The following ESD variants were observed in gnomAD, a reference collection of about 807,000 sequenced individuals.
ESD encodes S-formylglutathione hydrolase.
ESD carries 34 observed loss-of-function variants against 38.1 expected under a neutral mutation model. The ratio of observed to expected loss-of-function variants is 0.89; its 90% confidence interval spans 0.68 to 1.19. The LOEUF is 1.19. ESD is among the 50% of genes most tolerant of loss of function. The pLI, the probability that ESD is intolerant of heterozygous loss-of-function variation, is 0.00. For synonymous variants in ESD, 97 were observed against 107.0 expected (o/e 0.91, Z 0.58); for missense variants, 334 against 327.2 (o/e 1.02, Z -0.16).
intron 9 of ESD, among the ~76,000 whole-genome samples, chr13:46,775,187 T>C (rs1017352921): frequency 6.6e-6 from 1 of 152,050 alleles, no homozygotes; most frequent in Admixed American, 6.6e-5. Flanking sequence ...GTATTTTTTT[T>C]TCAATTTAGA....
intron 3 of ESD, among the ~76,000 whole-genome samples, chr13:46,790,225 T>A (rs1219647848): frequency 1.3e-5 from 2 of 152,122 alleles, no homozygotes; most frequent in Non-Finnish European, 2.9e-5. Context: ...GAAGTTCATA[T>A]CAAATTAAAG....
chr13:46,792,775 C>T (rs1195530225), intron 2 of ESD, among the ~76,000 whole-genome samples: 1 of 152,002 alleles, frequency 6.6e-6, no homozygotes, highest in Non-Finnish European at 1.5e-5. Flanking sequence ...ACTTTAGCTA[C>T]TGTTAACAAT....
chr13:46,792,914 G>C (rs1875447201), intron 2 of ESD, among the ~76,000 whole-genome samples: 1 of 151,878 alleles, frequency 6.6e-6, no homozygotes, highest in Non-Finnish European at 1.5e-5. Flanking sequence ...CTTAAACTTA[G>C]AAAGGACTAT....
chr13:46,781,393 T>C, intron 7 of ESD, 103 bp downstream of exon 7: 1 of 1,097,786 alleles, frequency 9.1e-7, no homozygotes, highest in Non-Finnish European at 1.3e-6. Context: ...ACTAGAAAAG[T>C]TTAGTTCCAA....
Position 46,771,366 on chromosome 13 carries a change from C to T in ESD, c.*50G>A, listed in dbSNP as rs1276857917. 1 of 1,210,910 alleles carries T rather than the reference C, an allele frequency of 8.3e-7. No homozygotes were observed. Among genetic ancestry groups the T allele is most frequent in the Admixed American group, 2.1e-5 (1 of 47,460 alleles). 75.0% of individuals were successfully genotyped at this position (1,210,910 alleles called of 1,614,324 possible). A position where few individuals can be genotyped will look rare whatever the true frequency, so the allele number is the denominator to read the frequency against. ...TTTTTTTTGCTCAGCAATACAGTTGCATTTTACAACTTTTATAATCCTGAA... is the reference window on the plus strand; with the variant it reads ...TTTTTTTTGCTCAGCAATACAGTTGTATTTTACAACTTTTATAATCCTGAA... On this transcript the variant is annotated 3_prime_UTR_variant, in exon 10 of 10. Coordinates refer to ENST00000378720, the MANE Select transcript of ESD (RefSeq NM_001984.2).
chr13:46,784,138 T>TA, intron 5 of ESD, 114 bp downstream of exon 5: 2 of 788,318 alleles, frequency 2.5e-6, no homozygotes, highest in Non-Finnish European at 3.9e-6. Flanking sequence ...GAAAGGTTAA[T>TA]AGAGATAACA....
chr13:46,793,106 G>T (rs1034692460), intron 2 of ESD, among the ~76,000 whole-genome samples: 1 of 151,936 alleles, frequency 6.6e-6, no homozygotes, highest in African/African-American at 2.4e-5. Context: ...AAAGTTGGTA[G>T]AATATTTTTT....
Position 46,780,005 on chromosome 13 carries a change from T to C in ESD, c.530A>G (p.Asn177Ser). 6.2e-7 allele frequency: 1 copy of C among 1,601,506 alleles called. No individual in the cohort carries two copies. Among genetic ancestry groups the C allele is most frequent in the Non-Finnish European group, 8.5e-7 (1 of 1,172,586 alleles). ...TTTGCCCCAGGGACAGAGTACAGGGTTGCAAATTGGAGCAAATGCTGACAC... is the reference window on the plus strand; with the variant it reads ...TTTGCCCCAGGGACAGAGTACAGGGCTGCAAATTGGAGCAAATGCTGACAC... ...KSVSAFAPICNPVLCPWGKKA... is the reference protein window; with the variant it reads ...KSVSAFAPICSPVLCPWGKKA... The change falls in exon 8 of 10, where the codon AAC becomes AGC. Residue 177 changes from asparagine to serine, a missense_variant. Asn to Ser is a conservative substitution (Grantham distance 46). Transcript: ENST00000378720.
chr13:46,795,201 A>G (rs1875532284), intron 1 of ESD, among the ~76,000 whole-genome samples: 1 of 152,224 alleles, frequency 6.6e-6, no homozygotes, highest in African/African-American at 2.4e-5. Flanking sequence ...ATAAGAAATT[A>G]AAACTTAGCC....
chr13:46,771,586 T>C (rs1393052485), intron 9 of ESD, 90 bp from the exon 10 acceptor site: 2 of 795,424 alleles, frequency 2.5e-6, no homozygotes, highest in East Asian at 5.2e-5. Context: ...GTCGTTTAAT[T>C]TGCTTACAAA....
chr13:46,772,347 G>A (rs573541122), intron 9 of ESD, among the ~76,000 whole-genome samples: 1 of 152,212 alleles, frequency 6.6e-6, no homozygotes, highest in Admixed American at 6.5e-5. Flanking sequence ...ATCCCTTTCT[G>A]CTGACTCTGA....
At chr13:46,786,439 A>G (rs1287352438) in intron 4 of ESD, among the ~76,000 whole-genome samples, 2 of 152,012 alleles carry the variant, frequency 1.3e-5, no homozygotes, top group Non-Finnish European at 2.9e-5. Flanking sequence ...TTGTGAAAGA[A>G]AAGTTAGCAT....
At chr13:46,772,885 C>T (rs945794949) in intron 9 of ESD, among the ~76,000 whole-genome samples, 1 of 152,078 alleles carries the variant, frequency 6.6e-6, no homozygotes, top group African/African-American at 2.4e-5. Flanking sequence ...GGGGTTTCGC[C>T]ATGTTAGCCA....
At chr13:46,781,323 C>T (rs1252652099) in intron 7 of ESD, among the ~76,000 whole-genome samples, 173 bp downstream of exon 7, 1 of 151,744 alleles carries the variant, frequency 6.6e-6, no homozygotes, top group Non-Finnish European at 1.5e-5. Context: ...TCTGATTCTG[C>T]AGCATACACT....
Position 46,793,457 on chromosome 13 carries a change from C to T in ESD, c.-55-13G>A, listed in dbSNP as rs904985861. ...ATGGTAGGCGATTCTGAAAAAAACACCAATGGTTTACAAATGGGATATACT... is the reference window on the plus strand; with the variant it reads ...ATGGTAGGCGATTCTGAAAAAAACATCAATGGTTTACAAATGGGATATACT... On this transcript the variant is annotated splice_polypyrimidine_tract_variant and intron_variant, in intron 1 of 9. Coordinates refer to ENST00000378720, the MANE Select transcript of ESD (RefSeq NM_001984.2). 2 of 152,518 alleles carry T rather than the reference C, an allele frequency of 1.3e-5. No individual in the cohort carries two copies. The highest frequency in any genetic ancestry group is 2.9e-5 in the Non-Finnish European group (2 of 68,000). The allele number at this position is 152,518 out of a possible 1,614,324, so 9.4% of individuals were successfully genotyped here.
At chr13:46,792,655 C>T (rs1368875603) in intron 2 of ESD, among the ~76,000 whole-genome samples, 3 of 151,842 alleles carry the variant, frequency 2.0e-5, no homozygotes, top group Non-Finnish European at 2.9e-5. Flanking sequence ...TATGATATTA[C>T]AACTGTACAC....
At chr13:46,785,062 T>G (rs1298649738) in intron 4 of ESD, among the ~76,000 whole-genome samples, 4 of 152,032 alleles carry the variant, frequency 2.6e-5, no homozygotes. Flanking sequence ...GCAACAAAAT[T>G]TAGCTTAATC....
At chr13:46,775,629 C>G (rs1424016145) in intron 9 of ESD, 3 of 470,472 alleles carry the variant, frequency 6.4e-6, no homozygotes, top group African/African-American at 2.0e-5. Context: ...GTTGTTGATT[C>G]AATTACAACG....
At chr13:46,793,116 T>C (rs1276696794) in intron 2 of ESD, among the ~76,000 whole-genome samples, 1 of 152,118 alleles carries the variant, frequency 6.6e-6, no homozygotes, top group Non-Finnish European at 1.5e-5. Context: ...GAATATTTTT[T>C]AAAAAACAAA....
Sources: allele counts gnomAD v4.1 joint callset (sites outside exome capture counted in the v4.1 genomes callset), GRCh38; gene constraint gnomAD v4.1.1; transcripts MANE v1.5; gene names NCBI Gene and HGNC (gene_info 2026-07-23, HGNC 2026-07-21).